PRR16: variants seen among roughly 807,000 people sequenced by gnomAD.
The protein encoded by PRR16 is protein Largen.
A neutral mutation model predicts 18.2 loss-of-function variants in PRR16; 6 were observed. The ratio of observed to expected loss-of-function variants is 0.33; its 90% CI spans 0.18 to 0.65. The LOEUF is 0.65. PRR16 is among the 30% of genes least tolerant of loss of function. PRR16 has a pLI of 0.74. For missense variants in PRR16, 412 were observed against 376.6 expected (o/e 1.09, Z -0.78); for synonymous variants, 151 against 147.8 (o/e 1.02, Z -0.16).
At chr5:120,520,799 T>C (rs1452726548) in intron 1 of PRR16, among the ~76,000 whole-genome samples, 1 of 152,216 alleles carries the variant, frequency 6.6e-6, no homozygotes, top group Non-Finnish European at 1.5e-5. Flanking sequence ...GAGGATCTAT[T>C]CCACTTGGAG....
chr5:120,625,100 A>G (rs1024408954), intron 1 of PRR16, among the ~76,000 whole-genome samples: 1 of 152,164 alleles, frequency 6.6e-6, no homozygotes. Flanking sequence ...ATGGACTAAT[A>G]CAGCTACATA....
intron 1 of PRR16, among the ~76,000 whole-genome samples, chr5:120,610,365 G>A (rs971675661): frequency 2.7e-5 from 4 of 149,904 alleles, no homozygotes; most frequent in African/African-American, 7.3e-5. Flanking sequence ...TTAATAAAGT[G>A]TATTTATTAA....
chr5:120,724,957 A>G, the PRR16 span, among the ~76,000 whole-genome samples: 3 of 152,128 alleles, frequency 2.0e-5, no homozygotes, highest in Admixed American at 6.6e-5. Context: ...GTAGCAATAA[A>G]TATTTTGAAG....
At chr5:120,538,224 C>G (rs1296409496) in intron 1 of PRR16, among the ~76,000 whole-genome samples, 1 of 152,102 alleles carries the variant, frequency 6.6e-6, no homozygotes, top group Non-Finnish European at 1.5e-5. Flanking sequence ...ATTATTGTTT[C>G]CATTTTAAAT....
chr5:120,753,922 A>G, the PRR16 span, among the ~76,000 whole-genome samples: 2 of 65,554 alleles, frequency 3.1e-5, no homozygotes, highest in African/African-American at 9.6e-5. Flanking sequence ...CTATAAATGT[A>G]TATAAATATT....
At chr5:120,539,511 T>A (rs1484953452) in intron 1 of PRR16, among the ~76,000 whole-genome samples, 1 of 151,954 alleles carries the variant, frequency 6.6e-6, no homozygotes, top group East Asian at 1.9e-4. Flanking sequence ...TCAGGAAAAA[T>A]TTTGCTATGG....
chr5:120,657,824 C>T (rs947749135), intron 1 of PRR16, among the ~76,000 whole-genome samples: 15 of 152,068 alleles, frequency 9.9e-5, no homozygotes, highest in East Asian at 1.9e-4. Context: ...TTGCCTCCCA[C>T]CTTCTGCTTT....
chr5:120,585,682 GC>G (rs1261000958), intron 1 of PRR16, among the ~76,000 whole-genome samples: 2 of 150,650 alleles, frequency 1.3e-5, no homozygotes, highest in South Asian at 2.1e-4. Context: ...AGATAATGTA[GC>G]TTAATTTTTT....
chr5:120,667,787 A>G lies in PRR16; in HGVS notation c.160-18167A>G, dbSNP rs190495857. 6.1e-3 allele frequency among the ~76,000 whole-genome samples: 931 copies of G among 152,094 alleles called. 21 individuals carry two copies. The highest frequency in any genetic ancestry group is 0.021 in the African/African-American group (886 of 41,490). ...GTTTTGAGAGAGTTTCTTAATCCTG[A>G]GTTCTAGTTTGATTGCACTGTGGTC... is the stretch of plus-strand genomic sequence containing the variant. On this transcript the variant is annotated intron_variant, in intron 1 of 1. Coordinates refer to ENST00000407149, the MANE Select transcript of PRR16 (RefSeq NM_001300783.2).
intron 1 of PRR16, among the ~76,000 whole-genome samples, chr5:120,620,716 C>G (rs555187561): frequency 2.0e-5 from 3 of 152,092 alleles, no homozygotes; most frequent in Non-Finnish European, 2.9e-5. Flanking sequence ...TTACAGGGTC[C>G]CAATACTCAG....
chr5:120,710,150 T>C, the PRR16 span, among the ~76,000 whole-genome samples: 6 of 152,032 alleles, frequency 3.9e-5, no homozygotes, highest in African/African-American at 1.2e-4. Context: ...ATTTTCTGTC[T>C]TTTTGATAAA....
chr5:120,707,978 G>T, the PRR16 span, among the ~76,000 whole-genome samples: 1 of 152,138 alleles, frequency 6.6e-6, no homozygotes, highest in South Asian at 2.1e-4. Context: ...GTTACTGTTT[G>T]GTTTTTAGCT....
chr5:120,592,900 T>C (rs1580763694), intron 1 of PRR16, among the ~76,000 whole-genome samples: 1 of 152,266 alleles, frequency 6.6e-6, no homozygotes, highest in East Asian at 1.9e-4. Context: ...TTACCTTCTT[T>C]AACAGATTAC....
intron 1 of PRR16, among the ~76,000 whole-genome samples, chr5:120,617,507 AT>A (rs1754552130): frequency 6.6e-6 from 1 of 152,158 alleles, no homozygotes; most frequent in South Asian, 2.1e-4. Flanking sequence ...CTCCAAAAAT[AT>A]TTTAAGAAAT....
At chr5:120,509,580 G>C (rs191201751) in intron 1 of PRR16, among the ~76,000 whole-genome samples, 54 of 152,212 alleles carry the variant, frequency 3.5e-4, no homozygotes, top group Admixed American at 1.5e-3. Flanking sequence ...AAATGTAGTA[G>C]TATCTAGGCA....
At chr5:120,623,659 T>G (rs539841039) in intron 1 of PRR16, among the ~76,000 whole-genome samples, 130 of 152,278 alleles carry the variant, frequency 8.5e-4, no homozygotes, top group Middle Eastern at 3.4e-3. Flanking sequence ...GTCTTTACCA[T>G]GTCATAGACC....
chr5:120,671,874 C>G (rs1756618937), intron 1 of PRR16, among the ~76,000 whole-genome samples: 1 of 152,028 alleles, frequency 6.6e-6, no homozygotes, highest in Non-Finnish European at 1.5e-5. Context: ...ATTTACCACC[C>G]AGATTTATTA....
chr5:120,687,737 TCA>T (rs1310149999), downstream of PRR16, among the ~76,000 whole-genome samples: 1 of 152,190 alleles, frequency 6.6e-6, no homozygotes, highest in Non-Finnish European at 1.5e-5. Flanking sequence ...TTTTTCCCCC[TCA>T]GAGTTGAAAG....
the PRR16 span, among the ~76,000 whole-genome samples, chr5:120,760,060 C>A: frequency 6.6e-6 from 1 of 152,074 alleles, no homozygotes; most frequent in Non-Finnish European, 1.5e-5. Context: ...CCTAAATATG[C>A]GTACTTGTTG....
Sources: gnomAD v4.1 joint callset for allele counts (sites outside exome capture counted in the v4.1 genomes callset) on GRCh38, gnomAD v4.1.1 for gene constraint, MANE v1.5 for transcripts, NCBI Gene and HGNC (gene_info 2026-07-23, HGNC 2026-07-21) for gene names.